Variants in INPP4A observed in about 807,000 individuals in gnomAD.
INPP4A encodes the protein inositol polyphosphate-4-phosphatase, type I, 107kD.
In INPP4A, 33 loss-of-function variants were observed where a neutral mutation model predicts 119.8. That is an observed-to-expected ratio of 0.28 (90% CI 0.21 to 0.37). INPP4A has a LOEUF of 0.37. INPP4A is among the 10% of genes least tolerant of loss of function. The probability of loss-of-function intolerance (pLI) is 1.00; values close to 1 mark genes in which losing one functional copy is unlikely to be tolerated. For synonymous variants in INPP4A, 496 were observed against 500.7 expected (o/e 0.99, Z 0.12); for missense variants, 956 against 1,289.9 (o/e 0.74, Z 3.97).
In INPP4A at chr2:98,475,938, A is replaced by G. The variant is rs572257461; in HGVS notation, c.-166+30853A>G. Among the ~76,000 whole-genome samples the G allele has an allele frequency of 3.3e-5, 5 of 152,284 alleles. No individual in the cohort carries two copies. The South Asian group carries it at 1.0e-3, about 32-fold the overall frequency. On this transcript the variant is annotated intron_variant, in intron 1 of 24. Transcript: ENST00000409851. ...AAATGCACTATCTTCTCATTTTTTT[A>G]TCAAGGCTAATCTACAAATGTTTAA...
intron 15 of INPP4A, 49 bp from the exon 16 acceptor site, chr2:98,555,504 T>TA: frequency 6.5e-7 from 1 of 1,546,090 alleles, no homozygotes; most frequent in Non-Finnish European, 8.8e-7. Flanking sequence ...GTTATGTTTG[T>TA]GTTTCTGTTC....
intron 1 of INPP4A, among the ~76,000 whole-genome samples, chr2:98,462,060 G>A (rs1193053176): frequency 1.3e-5 from 2 of 152,230 alleles, no homozygotes; most frequent in Non-Finnish European, 2.9e-5. Context: ...GCTTCTGCCC[G>A]TTTATTTCAA....
chr2:98,562,095 T>G (rs1695579242), intron 17 of INPP4A, among the ~76,000 whole-genome samples: 1 of 152,200 alleles, frequency 6.6e-6, no homozygotes, highest in South Asian at 2.1e-4. Flanking sequence ...GCCTCCACAT[T>G]TTCCACCTCT....
In INPP4A at chr2:98,573,694, G is replaced by A. The variant is rs182239337; in HGVS notation, c.2631+767G>A. Reference sequence around the variant, plus strand: ...AGCTCACTCTGAAGTGTGCCTCTCCGTCTTGTCAGGAAGGTGCTTCTCTCA... The same window carrying A: ...AGCTCACTCTGAAGTGTGCCTCTCCATCTTGTCAGGAAGGTGCTTCTCTCA... On this transcript the variant is annotated intron_variant, in intron 23 of 24. Coordinates refer to ENST00000409851, the MANE Select transcript of INPP4A (RefSeq NM_001134225.2). Among the ~76,000 whole-genome samples the A allele has an allele frequency of 8.0e-3, 1,211 of 152,262 alleles. 11 individuals carry two copies. Among genetic ancestry groups the A allele is most frequent in the Non-Finnish European group, 0.014 (939 of 68,016 alleles).
intron 2 of INPP4A, 84 bp from the exon 3 acceptor site, chr2:98,519,862 G>T (rs751635831): frequency 1.7e-6 from 1 of 589,822 alleles, no homozygotes; most frequent in African/African-American, 1.9e-5. Context: ...CCTCGCCCCC[G>T]GTAGGTCACG....
chr2:98,558,382 C>T (rs1178614123), intron 16 of INPP4A, among the ~76,000 whole-genome samples: 1 of 152,200 alleles, frequency 6.6e-6, no homozygotes, highest in African/African-American at 2.4e-5. Context: ...GTAAGAGCCA[C>T]AGTTCTATAT....
At chr2:98,500,197 T>C (rs920690601) in intron 1 of INPP4A, among the ~76,000 whole-genome samples, 1 of 152,192 alleles carries the variant, frequency 6.6e-6, no homozygotes, top group Non-Finnish European at 1.5e-5. Context: ...CATGCTTTCT[T>C]ACTTGAGATT....
intron 18 of INPP4A, 99 bp downstream of exon 18, chr2:98,563,736 C>A: frequency 8.6e-7 from 1 of 1,161,512 alleles, no homozygotes; most frequent in East Asian, 2.5e-5. Flanking sequence ...TTGTAAAAGA[C>A]CCCAGATGGC....
In INPP4A at chr2:98,537,945, A is replaced by G. The variant is rs1458702315; in HGVS notation, c.550A>G (p.Thr184Ala). ...EEKSDQRPPV[T>A]RSVDTVNGRM... ...GAAGTCAGACCAACGGCCCCCTGTG[A>G]CCCGGTCTGTGGACACTGTCAATGG... is the stretch of plus-strand genomic sequence containing the variant. The change falls in exon 8 of 25, where the codon ACC (threonine) becomes GCC (alanine). Residue 184 changes from threonine to alanine, a missense_variant. By Grantham distance (58) the Thr-to-Ala change is moderately conservative. Coordinates refer to ENST00000409851, the MANE Select transcript of INPP4A (RefSeq NM_001134225.2). 1 of 1,612,280 alleles carries G rather than the reference A, an allele frequency of 6.2e-7. No homozygotes were observed. The highest frequency in any genetic ancestry group is 8.5e-7 in the Non-Finnish European group (1 of 1,179,132).
intron 13 of INPP4A, chr2:98,552,580 A>G (rs776074675): frequency 6.2e-5 from 44 of 704,442 alleles, no homozygotes; most frequent in Non-Finnish European, 1.0e-4. Context: ...ACTGAGTCAT[A>G]GTTTAATATT....
At chr2:98,575,835 C>T (rs1438587966) in intron 23 of INPP4A, among the ~76,000 whole-genome samples, 1 of 152,188 alleles carries the variant, frequency 6.6e-6, no homozygotes, top group Non-Finnish European at 1.5e-5. Flanking sequence ...AAATACCAGC[C>T]TTGGTGTCAT....
chr2:98,570,675 A>G lies in INPP4A; in HGVS notation c.2518+2007A>G, dbSNP rs1697279932. On this transcript the variant is annotated intron_variant, in intron 22 of 24. Coordinates refer to ENST00000409851, the MANE Select transcript of INPP4A (RefSeq NM_001134225.2). The surrounding 1 kb of genome is among the most constrained non-coding windows in gnomAD (Gnocchi z 4.3). Reference sequence around the variant, plus strand: ...ACAGGGCTGGAAGATGCAAGAGGACACCAGAGTCACAGACCAGGCCCTGGA... The same window carrying G: ...ACAGGGCTGGAAGATGCAAGAGGACGCCAGAGTCACAGACCAGGCCCTGGA... 1.3e-5 allele frequency among the ~76,000 whole-genome samples: 2 copies of G among 152,092 alleles called. No homozygotes were observed. The highest frequency in any genetic ancestry group is 1.3e-4 in the Admixed American group (2 of 15,286).
intron 1 of INPP4A, among the ~76,000 whole-genome samples, chr2:98,476,649 G>T (rs191498758): frequency 1.3e-5 from 2 of 152,150 alleles, no homozygotes; most frequent in African/African-American, 4.8e-5. Context: ...GCATTCTGAA[G>T]CGTGTCCAGC....
chr2:98,520,635 A>C, intron 3 of INPP4A, 52 bp from the exon 4 acceptor site: 1 of 1,183,724 alleles, frequency 8.4e-7, no homozygotes, highest in Non-Finnish European at 1.2e-6. Context: ...TAATCTGAAA[A>C]CAGAGAAAAG....
chr2:98,458,510 G>A (rs1021380920), intron 1 of INPP4A, among the ~76,000 whole-genome samples: 1 of 152,172 alleles, frequency 6.6e-6, no homozygotes, highest in Non-Finnish European at 1.5e-5. Flanking sequence ...TTGCTAGCCA[G>A]TTCTTTCTCC....
At chr2:98,456,415 G>A (rs973108822) in intron 1 of INPP4A, among the ~76,000 whole-genome samples, 10 of 152,118 alleles carry the variant, frequency 6.6e-5, no homozygotes, top group African/African-American at 1.9e-4. Flanking sequence ...GCTCACTGTA[G>A]CCTTGACCTC....
chr2:98,568,538 G>C lies in INPP4A; in HGVS notation c.2421-33G>C, dbSNP rs750700078. 3 of 1,115,546 alleles carry C rather than the reference G, an allele frequency of 2.7e-6. No individual in the cohort carries two copies. In the Admixed American group the frequency reaches 5.9e-5, roughly 22 times the overall value. The allele number at this position is 1,115,546 out of a possible 1,614,324, so 69.1% of individuals were successfully genotyped here. A position where few individuals can be genotyped will look rare whatever the true frequency, so the allele number is the denominator to read the frequency against. ...TTCATGTTAGAAGAAAGTGACATTA[G>C]CCAACTAATGGCATCCCCTATAACC... On this transcript the variant is annotated intron_variant, in intron 21 of 24. Transcript: ENST00000409851.
intron 1 of INPP4A, among the ~76,000 whole-genome samples, chr2:98,449,268 A>T (rs1361759099): frequency 2.0e-5 from 3 of 152,224 alleles, no homozygotes; most frequent in Non-Finnish European, 4.4e-5. Flanking sequence ...TAGTAGGCAG[A>T]TGATGATTTT....
At chr2:98,497,302 C>T (rs1468410880) in intron 1 of INPP4A, among the ~76,000 whole-genome samples, 4 of 152,182 alleles carry the variant, frequency 2.6e-5, no homozygotes, top group Admixed American at 6.5e-5. Flanking sequence ...CAGGTGGGGC[C>T]CTCATGAAGA....
Sources: allele counts gnomAD v4.1 joint callset (sites outside exome capture counted in the v4.1 genomes callset), GRCh38; gene constraint gnomAD v4.1.1; non-coding constraint Gnocchi (gnomAD v3.1); transcripts MANE v1.5; gene names NCBI Gene and HGNC (gene_info 2026-07-23, HGNC 2026-07-21).